The following TBC1D32 variants were observed in gnomAD, a reference collection of about 807,000 sequenced individuals.
TBC1D32 encodes protein broad-minded.
In TBC1D32, 151 loss-of-function variants were observed where a neutral mutation model predicts 170.3. The ratio of observed to expected loss-of-function variants is 0.89; its 90% CI spans 0.78 to 1.01. TBC1D32 has a LOEUF of 1.01. TBC1D32 is among the 50% of genes least tolerant of loss of function. TBC1D32 has a pLI of 0.00. For missense variants in TBC1D32, 1,464 were observed against 1,457.1 expected (o/e 1.00, Z -0.08); for synonymous variants, 498 against 488.0 (o/e 1.02, Z -0.27).
At chr6:121,118,891 A>G (rs1444064229) in intron 26 of TBC1D32, among the ~76,000 whole-genome samples, 1 of 152,146 alleles carries the variant, frequency 6.6e-6, no homozygotes, top group Non-Finnish European at 1.5e-5. Context: ...TCTACTGTAC[A>G]TGTCTCAGCC....
chr6:121,100,792 C>A (rs961211812), intron 30 of TBC1D32, among the ~76,000 whole-genome samples: 1 of 151,954 alleles, frequency 6.6e-6, no homozygotes, highest in Non-Finnish European at 1.5e-5. Context: ...ATCAATGAAT[C>A]CAGGAGCTGT....
intron 22 of TBC1D32, among the ~76,000 whole-genome samples, chr6:121,168,712 T>TTAAA (rs1554256819): frequency 1.1e-5 from 1 of 93,902 alleles, no homozygotes; most frequent in Non-Finnish European, 2.1e-5. Context: ...TAGAGTATAA[T>TTAAA]AAAAAAAAAA....
At chr6:121,139,058 G>A (rs1485376746) in intron 24 of TBC1D32, among the ~76,000 whole-genome samples, 1 of 152,064 alleles carries the variant, frequency 6.6e-6, no homozygotes, top group African/African-American at 2.4e-5. Flanking sequence ...GTGTTAGCCA[G>A]GATGGTCTCC....
intron 15 of TBC1D32, among the ~76,000 whole-genome samples, chr6:121,276,528 C>T (rs1053344088): frequency 3.3e-5 from 5 of 151,786 alleles, no homozygotes; most frequent in African/African-American, 1.2e-4. Flanking sequence ...AAAAAAAGGG[C>T]AAAAAATACA....
In TBC1D32 at chr6:121,138,168, T is replaced by C. The variant is rs1383617389; in HGVS notation, c.2774-6416A>G. Among the ~76,000 whole-genome samples the C allele has an allele frequency of 2.0e-5, 3 of 152,150 alleles. No homozygotes were observed. In the East Asian group the frequency reaches 5.8e-4, roughly 29 times the overall value. ...CAAAGAATTTATACATCATTCCATC[T>C]ATAAATTTGGGAGTATCCAAATTCT... On this transcript the variant is annotated intron_variant, in intron 24 of 31. Coordinates refer to ENST00000398212, the MANE Select transcript of TBC1D32 (RefSeq NM_152730.6).
In TBC1D32 at chr6:121,188,906, A is replaced by C. The variant is rs993859469; in HGVS notation, c.2570+16169T>G. On this transcript the variant is annotated intron_variant, in intron 22 of 31. Transcript: ENST00000398212. ...TGGAAAGGAACTGAAGCCACACAGA[A>C]TCTGGACCTTTATTTGGCCTTTGCT... is the stretch of plus-strand genomic sequence containing the variant. 3.9e-5 allele frequency among the ~76,000 whole-genome samples: 6 copies of C among 152,174 alleles called. 1 individual carries two copies. The highest frequency in any genetic ancestry group is 3.9e-4 in the Admixed American group (6 of 15,262).
chr6:121,294,976 CT>C (rs1331055469), intron 10 of TBC1D32, among the ~76,000 whole-genome samples: 1 of 152,138 alleles, frequency 6.6e-6, no homozygotes, highest in Non-Finnish European at 1.5e-5. Flanking sequence ...ATTGCCATAA[CT>C]TTAGAAACTA....
At chr6:121,295,750 C>G (rs765819869) in intron 10 of TBC1D32, among the ~76,000 whole-genome samples, 1 of 152,104 alleles carries the variant, frequency 6.6e-6, no homozygotes, top group Non-Finnish European at 1.5e-5. Context: ...GAAGCAAGTT[C>G]ATAATTGTAG....
chr6:121,106,467 A>C (rs1778696145), intron 29 of TBC1D32, among the ~76,000 whole-genome samples: 1 of 152,046 alleles, frequency 6.6e-6, no homozygotes, highest in African/African-American at 2.4e-5. Flanking sequence ...GAGGGCTGTT[A>C]CATGAAAGAA....
intron 26 of TBC1D32, among the ~76,000 whole-genome samples, chr6:121,125,874 C>T (rs1780780470): frequency 6.6e-6 from 1 of 152,106 alleles, no homozygotes; most frequent in South Asian, 2.1e-4. Flanking sequence ...GGGACACAGG[C>T]TAGCATGCCC....
chr6:121,267,737 C>T (rs1470584292), intron 15 of TBC1D32, among the ~76,000 whole-genome samples: 1 of 152,170 alleles, frequency 6.6e-6, no homozygotes, highest in Non-Finnish European at 1.5e-5. Flanking sequence ...ACTTAAATGT[C>T]CCTGTCTGAC....
At chr6:121,193,107 G>C (rs534921816) in intron 22 of TBC1D32, among the ~76,000 whole-genome samples, 1 of 152,180 alleles carries the variant, frequency 6.6e-6, no homozygotes, top group Non-Finnish European at 1.5e-5. Context: ...CATGGGAATG[G>C]ATATTAAGGG....
At chr6:121,083,125 C>T (rs1466729338) in intron 31 of TBC1D32, among the ~76,000 whole-genome samples, 1 of 151,936 alleles carries the variant, frequency 6.6e-6, no homozygotes, top group Non-Finnish European at 1.5e-5. Context: ...CAAGTTGTAA[C>T]AGACTAATTC....
At chr6:121,311,723 C>T (rs943813296) in intron 3 of TBC1D32, among the ~76,000 whole-genome samples, 17 of 117,834 alleles carry the variant, frequency 1.4e-4, no homozygotes, top group Admixed American at 6.3e-4. Flanking sequence ...GAGACTCCAC[C>T]TCAAAAAAAA....
intron 15 of TBC1D32, among the ~76,000 whole-genome samples, chr6:121,272,107 C>T (rs992824342): frequency 6.6e-6 from 1 of 152,074 alleles, no homozygotes; most frequent in Admixed American, 6.6e-5. Flanking sequence ...AAAATTAATT[C>T]AAGATGGATT....
chr6:121,181,098 G>A (rs1369845100), intron 22 of TBC1D32, among the ~76,000 whole-genome samples: 2 of 152,078 alleles, frequency 1.3e-5, no homozygotes, highest in Admixed American at 1.3e-4. Flanking sequence ...AACAAGTGCT[G>A]GTGAGGATGC....
chr6:121,139,192 C>G (rs1203696221), intron 24 of TBC1D32, among the ~76,000 whole-genome samples: 1 of 152,094 alleles, frequency 6.6e-6, no homozygotes, highest in African/African-American at 2.4e-5. Context: ...CTAGGGGATT[C>G]TATTTTTAGT....
intron 1 of TBC1D32, among the ~76,000 whole-genome samples, chr6:121,326,181 T>C (rs1810436172): frequency 6.6e-6 from 1 of 151,968 alleles, no homozygotes; most frequent in East Asian, 1.9e-4. Flanking sequence ...ATTAACAAAA[T>C]GTAGTCAATA....
At position 121,304,790 on chromosome 6, in the gene TBC1D32, G is replaced by A. The variant is rs752700068; in HGVS notation, c.734C>T (p.Pro245Leu). 9 of 1,608,994 alleles carry A rather than the reference G, an allele frequency of 5.6e-6. No homozygotes were observed. Among genetic ancestry groups the A allele is most frequent in the Non-Finnish European group, 5.9e-6 (7 of 1,178,304 alleles). Residue 245 changes from proline (P) to leucine (L), a missense_variant, in exon 6 of 32, where the codon CCA becomes CTA. Transcript: ENST00000398212. ...KFCAQTFLLSPLHMTKEIYTS... is the reference protein window; with the variant it reads ...KFCAQTFLLSLLHMTKEIYTS... ...ATAAATTTCCTTGGTCATATGTAAT[G>A]GAGAAAGCAAAAATGTCTGTGCACA...
Sources: allele counts gnomAD v4.1 joint callset (sites outside exome capture counted in the v4.1 genomes callset), GRCh38; gene constraint gnomAD v4.1.1; transcripts MANE v1.5; gene names NCBI Gene and HGNC (gene_info 2026-07-23, HGNC 2026-07-21).